POLR1C: variants seen among roughly 807,000 people sequenced by gnomAD.
The protein encoded by POLR1C is DNA-directed RNA polymerases I and III subunit RPAC1.
In POLR1C, 42 loss-of-function variants were observed where a neutral mutation model predicts 38.3. The ratio of observed to expected loss-of-function variants is 1.10; its 90% CI spans 0.86 to 1.42. POLR1C has a LOEUF of 1.42. Ranked by LOEUF, POLR1C falls within the 40% of genes most tolerant of loss-of-function variation. POLR1C has a pLI of 0.00. For synonymous variants in POLR1C, 163 were observed against 163.9 expected (o/e 0.99, Z 0.04); for missense variants, 507 against 450.5 (o/e 1.13, Z -1.14).
At chr6:43,539,597 C>T (rs1420365064) in intron 9 of POLR1C, 31 of 1,385,014 alleles carry the variant, frequency 2.2e-5, no homozygotes, top group South Asian at 1.6e-4. Flanking sequence ...GCTGCGACCC[C>T]GGCCCCGGAT....
rs114385492 is a variant in POLR1C, at chr6:43,537,416, G to A, written c.*4+8057G>A. ...CTGCTAAAAAACTGAACTGGTATGA[G>A]GTCAGTTTTCTAGACCAGAGGTCAC... On this transcript the variant is annotated intron_variant, in intron 9 of 10. Transcript: ENST00000607635. 9.5e-3 allele frequency among the ~76,000 whole-genome samples: 1,445 copies of A among 152,238 alleles called. 19 individuals are homozygous for A. The highest frequency in any genetic ancestry group is 0.033 in the African/African-American group (1,384 of 41,528).
chr6:43,532,713 G>A (rs1794057159), downstream of POLR1C, among the ~76,000 whole-genome samples: 1 of 152,312 alleles, frequency 6.6e-6, no homozygotes, highest in Non-Finnish European at 1.5e-5. Context: ...ACTTCCCTCT[G>A]AGACTGGGTT....
downstream of POLR1C, chr6:43,524,667 T>C (rs1793436261): frequency 6.2e-7 from 1 of 1,602,556 alleles, no homozygotes; most frequent in African/African-American, 1.3e-5. Context: ...TTACTGGATG[T>C]AGGTTTGGAT....
chr6:43,521,285 G>A lies in POLR1C; in HGVS notation c.1026G>A (p.Ala342=), dbSNP rs564038848. ...KCRRFLDELD[A]VQMD is the part of the protein sequence containing the mutation. The stretch of plus-strand genomic sequence containing the variant: ...GGCGCTTCTTGGATGAACTAGATGC[G>A]GTTCAGATGGACTGAGCTTGGATGC... The change falls in exon 9 of 9, where the codon GCG becomes GCA. Residue 342 remains alanine, a synonymous_variant. Transcript: ENST00000642195. 2.8e-5 allele frequency: 45 copies of A among 1,612,342 alleles called. No homozygotes were observed. Among genetic ancestry groups the A allele is most frequent in the African/African-American group, 8.0e-5 (6 of 74,978 alleles).
chr6:43,558,620 G>C, intron 10 of POLR1C: 1 of 1,510,066 alleles, frequency 6.6e-7, no homozygotes, highest in Non-Finnish European at 8.9e-7. Context: ...TTGGGGTAGG[G>C]GATGAAAGTG....
Position 43,520,762 on chromosome 6 carries a change from C to G in POLR1C, c.793C>G (p.Gln265Glu). Reference protein sequence around the residue: ...RCFSPGVIEVQEVQGKKVARV... With the variant: ...RCFSPGVIEVEEVQGKKVARV... ...CTTCTCACCTGGTGTTATTGAGGTG[C>G]AGGAAGTCCAAGGTATGGTATTTGG... The change falls in exon 7 of 9, where the codon CAG becomes GAG. Residue 265 changes from glutamine (Q) to glutamate (E), a missense_variant. Gln to Glu is a conservative substitution (Grantham distance 29). Coordinates refer to ENST00000642195, the MANE Select transcript of POLR1C (RefSeq NM_203290.4). 6.2e-6 allele frequency: 10 copies of G among 1,613,970 alleles called. No individual in the cohort carries two copies. The highest frequency in any genetic ancestry group is 7.6e-6 in the Non-Finnish European group (9 of 1,179,982).
rs1329632751 is a variant in POLR1C at position 43,519,318 on chromosome 6, T to C, written c.142-15T>C. On this transcript the variant is annotated splice_polypyrimidine_tract_variant and intron_variant, in intron 2 of 8. Transcript: ENST00000642195. ...AGAGCAGATTTCACTTAAATGTTTT[T>C]TCCTGTCCCTCTAGAATTTCCGTGT... The C allele has an allele frequency of 4.6e-6, 7 of 1,507,860 alleles. No individual in the cohort carries two copies. Among genetic ancestry groups the C allele is most frequent in the African/African-American group, 1.4e-5 (1 of 73,024 alleles). The allele number at this position is 1,507,860 out of a possible 1,614,324, so 93.4% of individuals were successfully genotyped here. A position where few individuals can be genotyped will look rare whatever the true frequency, so the allele number is the denominator to read the frequency against.
downstream of POLR1C, chr6:43,524,726 C>T: frequency 1.3e-6 from 2 of 1,585,786 alleles, no homozygotes; most frequent in Non-Finnish European, 1.7e-6. Flanking sequence ...AGAGATTGCA[C>T]CAGCAATTTG....
downstream of POLR1C, chr6:43,531,350 AATG>A (rs1793963160): frequency 3.7e-6 from 3 of 814,448 alleles, no homozygotes; most frequent in Non-Finnish European, 6.0e-6. Context: ...TTAACACTAG[AATG>A]ATAAGTTTCC....
chr6:43,546,649 G>T (rs1794976617), intron 9 of POLR1C: 3 of 1,613,736 alleles, frequency 1.9e-6, no homozygotes, highest in Non-Finnish European at 2.5e-6. Context: ...ATTTCCACTG[G>T]ATGTATAACC....
intron 9 of POLR1C, chr6:43,548,296 T>C (rs1365558514): frequency 6.2e-7 from 1 of 1,612,842 alleles, no homozygotes; most frequent in Admixed American, 1.7e-5. Flanking sequence ...TGCTGGCCAC[T>C]GGTGCCATCA....
intron 9 of POLR1C, chr6:43,546,852 A>G (rs2127727647): frequency 8.6e-7 from 1 of 1,161,188 alleles, no homozygotes; most frequent in Non-Finnish European, 1.2e-6. Flanking sequence ...AGTGACACAG[A>G]GGCCAGAGAG....
chr6:43,541,605 C>T (rs1794693024), intron 9 of POLR1C, among the ~76,000 whole-genome samples: 1 of 151,798 alleles, frequency 6.6e-6, no homozygotes, highest in South Asian at 2.1e-4. Context: ...TCCTCTCCAA[C>T]CTGAGGCAAT....
At chr6:43,551,318 G>A in intron 10 of POLR1C, 3 of 1,613,072 alleles carry the variant, frequency 1.9e-6, no homozygotes, top group Non-Finnish European at 2.5e-6. Flanking sequence ...ACCTGGGGCA[G>A]GAACTCTGGT....
intron 10 of POLR1C, among the ~76,000 whole-genome samples, chr6:43,556,552 A>C (rs1342551083): frequency 6.6e-6 from 1 of 152,000 alleles, no homozygotes. Flanking sequence ...ATTTTTAAAA[A>C]GTAAATCAGG....
intron 8 of POLR1C, chr6:43,527,787 A>G: frequency 6.3e-7 from 1 of 1,587,756 alleles, no homozygotes; most frequent in Non-Finnish European, 8.6e-7. Context: ...AAGGACAAGG[A>G]AAGCAGCGAC....
downstream of POLR1C, chr6:43,525,403 G>A: frequency 1.7e-6 from 1 of 604,640 alleles, no homozygotes; most frequent in Non-Finnish European, 2.9e-6. Context: ...CTCCCGAATA[G>A]CTGGGACTAC....
At chr6:43,548,064 A>G (rs554790919) in intron 9 of POLR1C, among the ~76,000 whole-genome samples, 1 of 152,168 alleles carries the variant, frequency 6.6e-6, no homozygotes, top group African/African-American at 2.4e-5. Flanking sequence ...CAGGAGTCTC[A>G]CTCTGTGCCC....
In POLR1C at chr6:43,520,913, C is replaced by G; in HGVS notation, c.806-19C>G. 6.2e-7 allele frequency: 1 copy of G among 1,610,780 alleles called. No individual in the cohort carries two copies. ...CAAATTAGAAAAAGGAATAAAAAAACATGGTTTGTTCTCATTAGGTAAAAA... is the reference window on the plus strand; with the variant it reads ...CAAATTAGAAAAAGGAATAAAAAAAGATGGTTTGTTCTCATTAGGTAAAAA... On this transcript the variant is annotated intron_variant, in intron 7 of 8. Coordinates refer to ENST00000642195, the MANE Select transcript of POLR1C (RefSeq NM_203290.4).
Sources: gnomAD v4.1 joint callset for allele counts (sites outside exome capture counted in the v4.1 genomes callset) on GRCh38, gnomAD v4.1.1 for gene constraint, MANE v1.5 for transcripts, NCBI Gene and HGNC (gene_info 2026-07-23, HGNC 2026-07-21) for gene names.